GABRB1: variants seen among roughly 807,000 people sequenced by gnomAD.
GABRB1 encodes the protein gamma-aminobutyric acid receptor subunit beta-1.
Under a neutral mutation model 51.6 loss-of-function variants are expected in GABRB1, and 17 were observed. The ratio of observed to expected loss-of-function variants is 0.33; its 90% CI spans 0.23 to 0.49. The LOEUF (loss-of-function observed/expected upper bound fraction) is 0.49, where lower values mean the gene tolerates loss of function less well. GABRB1 is among the 20% of genes least tolerant of loss of function. The pLI is 0.99. For missense variants in GABRB1, 410 were observed against 600.6 expected (o/e 0.68, Z 3.32); for synonymous variants, 247 against 218.9 (o/e 1.13, Z -1.14).
intron 3 of GABRB1, among the ~76,000 whole-genome samples, chr4:47,075,685 T>C (rs891317151): frequency 6.6e-6 from 1 of 152,226 alleles, no homozygotes; most frequent in Non-Finnish European, 1.5e-5. Context: ...CAGAAATTAC[T>C]ACTTGCCACA....
At chr4:47,251,712 G>C (rs932560213) in intron 4 of GABRB1, among the ~76,000 whole-genome samples, 6 of 152,150 alleles carry the variant, frequency 3.9e-5, no homozygotes, top group African/African-American at 1.4e-4. Context: ...CAATGGAGTT[G>C]TGTACCTACG....
At chr4:47,160,616 C>T (rs1187086741) in intron 3 of GABRB1, among the ~76,000 whole-genome samples, 2 of 151,990 alleles carry the variant, frequency 1.3e-5, no homozygotes, top group East Asian at 3.9e-4. Flanking sequence ...ACATAGATTC[C>T]TCTGTACAAT....
chr4:47,312,037 TTGTGTG>T (rs36206411), intron 4 of GABRB1, among the ~76,000 whole-genome samples: 80 of 140,874 alleles, frequency 5.7e-4, no homozygotes, highest in African/African-American at 1.5e-3. Flanking sequence ...TACCCAAGGC[TTGTGTG>T]TGTGTGTGTG....
At chr4:47,006,342 A>G (rs1208353993) in intron 1 of GABRB1, among the ~76,000 whole-genome samples, 1 of 152,148 alleles carries the variant, frequency 6.6e-6, no homozygotes. Context: ...CATATATAAT[A>G]CATATAATAC....
intron 3 of GABRB1, among the ~76,000 whole-genome samples, chr4:47,047,578 G>A (rs1368497878): frequency 6.6e-6 from 1 of 152,040 alleles, no homozygotes; most frequent in Non-Finnish European, 1.5e-5. Context: ...ATTATTTCTA[G>A]TAACATTTAA....
intron 4 of GABRB1, among the ~76,000 whole-genome samples, chr4:47,242,679 G>A (rs1721572766): frequency 6.6e-6 from 1 of 152,196 alleles, no homozygotes; most frequent in African/African-American, 2.4e-5. Context: ...GCTGAATAAT[G>A]TCTTCTTTTG....
intron 4 of GABRB1, among the ~76,000 whole-genome samples, chr4:47,238,267 CTG>C (rs1389261203): frequency 6.6e-6 from 1 of 151,878 alleles, no homozygotes; most frequent in Non-Finnish European, 1.5e-5. Flanking sequence ...ACAGAGAAAA[CTG>C]TGATTAACAT....
chr4:47,106,710 G>A (rs1277848969), intron 3 of GABRB1, among the ~76,000 whole-genome samples: 1 of 151,772 alleles, frequency 6.6e-6, no homozygotes, highest in East Asian at 1.9e-4. Context: ...TCTTGCATGA[G>A]GACTCATATT....
chr4:47,155,407 TC>T (rs1717645231), intron 3 of GABRB1, among the ~76,000 whole-genome samples: 1 of 152,002 alleles, frequency 6.6e-6, no homozygotes, highest in Non-Finnish European at 1.5e-5. Flanking sequence ...TTTGGTTCTT[TC>T]CCCAAAAGAT....
chr4:47,108,597 A>G (rs1315009168), intron 3 of GABRB1, among the ~76,000 whole-genome samples: 3 of 152,082 alleles, frequency 2.0e-5, no homozygotes, highest in Non-Finnish European at 4.4e-5. Context: ...GTTTTAACAA[A>G]TAATGTATTG....
intron 3 of GABRB1, among the ~76,000 whole-genome samples, chr4:47,108,203 AG>A (rs1315917732): frequency 2.0e-5 from 3 of 152,044 alleles, no homozygotes; most frequent in African/African-American, 7.2e-5. Context: ...ATTCTGCAAA[AG>A]GTTTCAGAGG....
At chr4:47,064,958 A>G (rs1560517702) in intron 3 of GABRB1, among the ~76,000 whole-genome samples, 1 of 152,230 alleles carries the variant, frequency 6.6e-6, no homozygotes, top group African/African-American at 2.4e-5. Flanking sequence ...TTATAAAGGC[A>G]TTAGTGATTC....
intron 4 of GABRB1, among the ~76,000 whole-genome samples, chr4:47,227,201 A>G (rs1398462359): frequency 1.3e-5 from 2 of 152,156 alleles, no homozygotes; most frequent in Non-Finnish European, 2.9e-5. Flanking sequence ...TAGGGAAGGC[A>G]AAGTTGCTGC....
intron 4 of GABRB1, among the ~76,000 whole-genome samples, chr4:47,273,749 C>T (rs1430366723): frequency 6.6e-6 from 1 of 151,906 alleles, no homozygotes; most frequent in Non-Finnish European, 1.5e-5. Context: ...CAGGAGAACA[C>T]AGATGAGGGC....
At chr4:47,350,208 T>TAGAGAGAGAG (rs1352652990) in intron 5 of GABRB1, among the ~76,000 whole-genome samples, 10 of 91,902 alleles carry the variant, frequency 1.1e-4, no homozygotes, top group East Asian at 8.5e-4. Flanking sequence ...TATATATATA[T>TAGAGAGAGAG]ATATATATAT....
At chr4:47,261,302 T>C (rs552848498) in intron 4 of GABRB1, among the ~76,000 whole-genome samples, 201 of 152,294 alleles carry the variant, frequency 1.3e-3, no homozygotes, top group African/African-American at 4.3e-3. Context: ...AAAACCCCAC[T>C]GTCTCAGCCC....
chr4:47,206,992 A>G (rs1720154218), intron 4 of GABRB1, among the ~76,000 whole-genome samples: 1 of 151,914 alleles, frequency 6.6e-6, no homozygotes, highest in Non-Finnish European at 1.5e-5. Flanking sequence ...ATGACATTTT[A>G]TCTTCTGTTA....
chr4:47,012,200 A>G (rs1294134265), intron 1 of GABRB1, among the ~76,000 whole-genome samples: 2 of 152,154 alleles, frequency 1.3e-5, no homozygotes, highest in Non-Finnish European at 2.9e-5. Context: ...TCATCATGCA[A>G]ATTGATGTTT....
chr4:47,215,365 A>C (rs917227127), intron 4 of GABRB1, among the ~76,000 whole-genome samples: 2 of 152,068 alleles, frequency 1.3e-5, no homozygotes, highest in African/African-American at 4.8e-5. Context: ...GTATAAGTTG[A>C]TTCTGTATCC....
Sources: gnomAD v4.1 joint callset for allele counts (sites outside exome capture counted in the v4.1 genomes callset) on GRCh38, gnomAD v4.1.1 for gene constraint, MANE v1.5 for transcripts, NCBI Gene and HGNC (gene_info 2026-07-23, HGNC 2026-07-21) for gene names.